DLGAP2: variants seen among roughly 807,000 people sequenced by gnomAD.
The protein encoded by DLGAP2 is disks large-associated protein 2.
A neutral mutation model predicts 100.3 loss-of-function variants in DLGAP2; 26 were observed. That is an observed-to-expected ratio of 0.26 (90% CI 0.19 to 0.36). DLGAP2 has a LOEUF of 0.36. Ranked by LOEUF, DLGAP2 falls within the 10% of genes least tolerant of loss-of-function variation. DLGAP2 has a pLI of 1.00. For synonymous variants in DLGAP2, 886 were observed against 630.1 expected (o/e 1.41, Z -6.08); for missense variants, 1,858 against 1,453.2 (o/e 1.28, Z -4.53).
At chr8:1,235,885 G>C (rs1161131905) in intron 2 of DLGAP2, among the ~76,000 whole-genome samples, 1 of 1,594 alleles carries the variant, frequency 6.3e-4, no homozygotes, top group African/African-American at 6.3e-3. Flanking sequence ...CTAGTTCTCT[G>C]CCACATGGCG....
rs571298796 is a variant in DLGAP2, at chr8:904,104, C to T, written c.19-3808C>T. Among the ~76,000 whole-genome samples, 8 of 152,358 alleles carry T rather than the reference C, an allele frequency of 5.3e-5. No homozygotes were observed. In the South Asian group the frequency reaches 6.2e-4, roughly 12 times the overall value. On this transcript the variant is annotated intron_variant, in intron 1 of 14. Coordinates refer to ENST00000637795, the MANE Select transcript of DLGAP2 (RefSeq NM_001346810.2). The stretch of plus-strand genomic sequence containing the variant: ...AGTTTCTTCAGCTGAAAATCAGTCA[C>T]GTGTCTGACATCCACTGCATATGAC...
At position 1,678,505 on chromosome 8, in the gene DLGAP2, G is replaced by T; in HGVS notation, c.2580G>T (p.Arg860Ser). 1.2e-6 allele frequency: 2 copies of T among 1,611,462 alleles called. No individual in the cohort carries two copies. The highest frequency in any genetic ancestry group is 2.2e-5 in the East Asian group (1 of 44,748). ...EPAIDTVETGRMSPCRRDGSW... is the reference protein window; with the variant it reads ...EPAIDTVETGSMSPCRRDGSW... ...CCATCGACACGGTAGAGACTGGGAGGATGTCTCCGTGCCGCAGGGATGGCT... is the reference window on the plus strand; with the variant it reads ...CCATCGACACGGTAGAGACTGGGAGTATGTCTCCGTGCCGCAGGGATGGCT... Residue 860 changes from arginine (R) to serine (S), a missense_variant, in exon 12 of 15, where the codon AGG becomes AGT. By Grantham distance (110) the Arg-to-Ser change is moderately radical. Transcript: ENST00000637795.
chr8:1,120,388 G>A (rs1796010046), intron 2 of DLGAP2, among the ~76,000 whole-genome samples: 2 of 152,154 alleles, frequency 1.3e-5, no homozygotes, highest in Admixed American at 6.5e-5. Flanking sequence ...ACTAACCCTA[G>A]TCCTTCAGAT....
At chr8:1,105,507 G>A (rs1765010986) in intron 2 of DLGAP2, among the ~76,000 whole-genome samples, 2 of 152,192 alleles carry the variant, frequency 1.3e-5, no homozygotes, top group South Asian at 2.1e-4. Context: ...GGGTAGCCAT[G>A]CTGAGCGGGG....
intron 3 of DLGAP2, among the ~76,000 whole-genome samples, chr8:1,423,582 C>G (rs970492966): frequency 4.6e-5 from 7 of 152,218 alleles, no homozygotes; most frequent in Admixed American, 4.6e-4. Flanking sequence ...AGCACGACTT[C>G]CAGGATGAGG....
intron 3 of DLGAP2, among the ~76,000 whole-genome samples, chr8:1,452,364 A>T (rs7839699): frequency 6.6e-6 from 1 of 151,838 alleles, no homozygotes; most frequent in Non-Finnish European, 1.5e-5. Flanking sequence ...GAACAGCACC[A>T]AACATCAGCC....
chr8:1,515,957 G>A (rs1800358030), intron 4 of DLGAP2, among the ~76,000 whole-genome samples: 1 of 152,224 alleles, frequency 6.6e-6, no homozygotes, highest in African/African-American at 2.4e-5. Flanking sequence ...GGGAATGATC[G>A]AGTGAGTGAA....
intron 2 of DLGAP2, among the ~76,000 whole-genome samples, chr8:1,234,422 T>G (rs1798601290): frequency 6.6e-6 from 1 of 152,214 alleles, no homozygotes; most frequent in Admixed American, 6.5e-5. Flanking sequence ...TGACACTCCC[T>G]GTGGGTCTGA....
intron 2 of DLGAP2, among the ~76,000 whole-genome samples, chr8:1,208,729 T>A (rs1443496087): frequency 1.3e-5 from 2 of 152,116 alleles, no homozygotes; most frequent in Admixed American, 6.5e-5. Flanking sequence ...TTAGAAAACC[T>A]AGATCTGATA....
intron 7 of DLGAP2, 65 bp from the exon 8 acceptor site, chr8:1,632,762 C>G (rs1002310017): frequency 6.7e-7 from 1 of 1,501,692 alleles, no homozygotes; most frequent in African/African-American, 1.4e-5. Flanking sequence ...GCTCTCCTGG[C>G]TTTTCTGTAA....
chr8:1,481,471 CTTTTTTTTTTTT>C (rs1165790168), intron 3 of DLGAP2, among the ~76,000 whole-genome samples: 2 of 43,668 alleles, frequency 4.6e-5, no homozygotes, highest in Admixed American at 3.8e-4. Context: ...TTTTCTTTTT[CTTTTTTTTTTTT>C]TTTTTTTTTT....
At chr8:1,073,762 C>T (rs1011308886) in intron 2 of DLGAP2, among the ~76,000 whole-genome samples, 3 of 152,218 alleles carry the variant, frequency 2.0e-5, no homozygotes, top group African/African-American at 7.2e-5. Context: ...GTTAGTAATC[C>T]TGAGAACTGC....
intron 1 of DLGAP2, among the ~76,000 whole-genome samples, chr8:802,449 C>T (rs1267083080): frequency 3.9e-5 from 6 of 152,218 alleles, no homozygotes; most frequent in East Asian, 1.9e-4. Flanking sequence ...GTGGCCTCAG[C>T]GGGTCCCGCA....
rs1476160741 is a variant in DLGAP2, at chr8:1,084,892, C to T, written c.74-173959C>T. ...TCAGATCTGTTTCTGAGTAAACACC[C>T]AGAAGTGGGACTGCTGGATCATTCT... On this transcript the variant is annotated intron_variant, in intron 2 of 14. Coordinates refer to ENST00000637795, the MANE Select transcript of DLGAP2 (RefSeq NM_001346810.2). Among the ~76,000 whole-genome samples, 3 of 152,158 alleles carry T rather than the reference C, an allele frequency of 2.0e-5. No individual in the cohort carries two copies. In the East Asian group the frequency reaches 5.8e-4, roughly 29 times the overall value.
intron 2 of DLGAP2, among the ~76,000 whole-genome samples, chr8:1,040,331 G>A (rs1802300265): frequency 1.3e-5 from 2 of 148,278 alleles, no homozygotes; most frequent in South Asian, 4.4e-4. Context: ...AGTGTGCGTG[G>A]TCAGCTCGGT....
intron 3 of DLGAP2, among the ~76,000 whole-genome samples, chr8:1,344,146 G>GGCCCTGTCGTAAGTCCATGTACTGGGT (rs1554447181): frequency 7.8e-6 from 1 of 127,694 alleles, no homozygotes; most frequent in Admixed American, 7.7e-5. Flanking sequence ...GTGTACTCGG[G>GGCCCTGTCGTAAGTCCATGTACTGGGT]GCCCTGTCGT....
At chr8:1,467,472 C>T (rs116055524) in intron 3 of DLGAP2, among the ~76,000 whole-genome samples, 1 of 151,860 alleles carries the variant, frequency 6.6e-6, no homozygotes, top group Non-Finnish European at 1.5e-5. Context: ...TCACTAGACC[C>T]GTTGAAGGCA....
At chr8:1,461,599 T>A (rs1358161434) in intron 3 of DLGAP2, among the ~76,000 whole-genome samples, 21 of 34,972 alleles carry the variant, frequency 6.0e-4, no homozygotes, top group African/African-American at 2.5e-3. Context: ...TGCTGTCACG[T>A]GGGCTGGGTG....
At chr8:1,675,060 C>A (rs1798779215) in intron 10 of DLGAP2, among the ~76,000 whole-genome samples, 1 of 152,204 alleles carries the variant, frequency 6.6e-6, no homozygotes, top group Admixed American at 6.5e-5. Context: ...CCTCCTGTAG[C>A]CCGTCTCACC....
Sources: gnomAD v4.1 joint callset for allele counts (sites outside exome capture counted in the v4.1 genomes callset) on GRCh38, gnomAD v4.1.1 for gene constraint, MANE v1.5 for transcripts, NCBI Gene and HGNC (gene_info 2026-07-23, HGNC 2026-07-21) for gene names.